Variants in GTF3C1 observed in about 807,000 individuals in gnomAD.
The protein encoded by GTF3C1 is general transcription factor 3C polypeptide 1.
GTF3C1 carries 57 observed loss-of-function variants against 226.7 expected under a neutral mutation model. That is an observed-to-expected ratio of 0.25 (90% confidence interval 0.20 to 0.31). GTF3C1 has a LOEUF of 0.31. Among genes scored for constraint, GTF3C1 ranks in the 10% least tolerant of loss-of-function variants. The pLI, the probability that GTF3C1 is intolerant of heterozygous loss-of-function variation, is 1.00. For synonymous variants in GTF3C1, 1,090 were observed against 1,084.8 expected (o/e 1.00, Z -0.09); for missense variants, 2,217 against 2,776.1 (o/e 0.80, Z 4.53).
chr16:27,538,152 A>G, intron 3 of GTF3C1, 28 bp downstream of exon 3: 1 of 1,474,836 alleles, frequency 6.8e-7, no homozygotes, highest in Admixed American at 2.2e-5. Flanking sequence ...ATATAATTTA[A>G]AGCAGAGAAG....
At chr16:27,506,687 C>T (rs1353740100) in intron 9 of GTF3C1, among the ~76,000 whole-genome samples, 160 bp downstream of exon 9, 1 of 152,162 alleles carries the variant, frequency 6.6e-6, no homozygotes, top group Non-Finnish European at 1.5e-5. Flanking sequence ...GGACCCTCTC[C>T]TCCAAACCCA....
intron 2 of GTF3C1, among the ~76,000 whole-genome samples, 176 bp downstream of exon 2, chr16:27,545,138 G>A (rs761536878): frequency 2.6e-5 from 4 of 152,056 alleles, no homozygotes; most frequent in African/African-American, 7.2e-5. Flanking sequence ...CACCACACCC[G>A]GCTAATTTTT....
At chr16:27,542,862 T>C (rs2141462310) in intron 2 of GTF3C1, among the ~76,000 whole-genome samples, 1 of 152,288 alleles carries the variant, frequency 6.6e-6, no homozygotes, top group East Asian at 1.9e-4. Flanking sequence ...CCCTTGAGCA[T>C]CCTAGCCTGC....
intron 23 of GTF3C1, 131 bp downstream of exon 23, chr16:27,488,096 G>T: frequency 2.8e-6 from 2 of 726,436 alleles, no homozygotes; most frequent in Non-Finnish European, 4.7e-6. Context: ...GAGAGTCAGC[G>T]CCACACATCG....
intron 33 of GTF3C1, 132 bp from the exon 34 acceptor site, chr16:27,464,968 G>A: frequency 6.5e-6 from 5 of 765,338 alleles, no homozygotes; most frequent in Non-Finnish European, 1.0e-5. Context: ...CACGAGGCAG[G>A]CCTGGCTCCT....
In GTF3C1 at chr16:27,497,183, G is replaced by C. The variant is rs3785355; in HGVS notation, c.2350+454C>G. Among the ~76,000 whole-genome samples, 74 of 152,304 alleles carry C rather than the reference G, an allele frequency of 4.9e-4. No individual in the cohort carries two copies. The East Asian group carries it at 0.014, about 28-fold the overall frequency. The stretch of plus-strand genomic sequence containing the variant: ...ATGCCATGGCCACCTGCCTTGTTCA[G>C]CACAAGTTTAGAAATGAGGGATGAG... On this transcript the variant is annotated intron_variant, in intron 14 of 36. Coordinates refer to ENST00000356183, the MANE Select transcript of GTF3C1 (RefSeq NM_001520.4).
At chr16:27,476,398 T>C in intron 29 of GTF3C1, 53 bp downstream of exon 29, 1 of 1,163,818 alleles carries the variant, frequency 8.6e-7, no homozygotes, top group Admixed American at 1.7e-5. Flanking sequence ...CTCACGAGCC[T>C]GGCCTCGGAA....
intron 32 of GTF3C1, 149 bp from the exon 33 acceptor site, chr16:27,465,689 CTGGG>C (rs1457136282): frequency 1.7e-5 from 11 of 637,368 alleles, no homozygotes; most frequent in Non-Finnish European, 3.0e-5. Context: ...GGTGGACACA[CTGGG>C]CCCCTGGCAG....
chr16:27,514,248 C>T (rs1224653745), intron 6 of GTF3C1, among the ~76,000 whole-genome samples: 5 of 152,244 alleles, frequency 3.3e-5, no homozygotes, highest in African/African-American at 9.6e-5. Flanking sequence ...CTTCTGCTGG[C>T]TCCCCGCCGG....
chr16:27,533,250 A>C, intron 5 of GTF3C1, 41 bp downstream of exon 5: 1 of 985,262 alleles, frequency 1.0e-6, no homozygotes, highest in Non-Finnish European at 1.6e-6. Flanking sequence ...GCTATGGTAC[A>C]GATCACACCC....
At chr16:27,537,228 C>T (rs563327517) in intron 4 of GTF3C1, among the ~76,000 whole-genome samples, 1 of 152,308 alleles carries the variant, frequency 6.6e-6, no homozygotes, top group African/African-American at 2.4e-5. Flanking sequence ...ATTTTTACAT[C>T]TCCCCAAAAT....
Position 27,476,505 on chromosome 16 carries a change from G to A in GTF3C1, c.4299C>T (p.Ile1433=). Residue 1433 remains isoleucine (I), a synonymous_variant, in exon 29 of 37, where the codon ATC becomes ATT. Coordinates refer to ENST00000356183, the MANE Select transcript of GTF3C1 (RefSeq NM_001520.4). ...DIHFLVLQNL[I]QSTLALSDSQ... ...TGTCTGAGAGGGCCAGCGTGCTCTGGATCAGGTTCTGAAGCACCAGAAAGT... is the reference window on the plus strand; with the variant it reads ...TGTCTGAGAGGGCCAGCGTGCTCTGAATCAGGTTCTGAAGCACCAGAAAGT... 1 of 1,613,354 alleles carries A rather than the reference G, an allele frequency of 6.2e-7. No individual in the cohort carries two copies. Among genetic ancestry groups the A allele is most frequent in the South Asian group, 1.1e-5 (1 of 91,028 alleles).
intron 4 of GTF3C1, 33 bp downstream of exon 4, chr16:27,537,751 A>C: frequency 6.5e-7 from 1 of 1,547,434 alleles, no homozygotes; most frequent in Non-Finnish European, 8.8e-7. Flanking sequence ...CTGCAACTAA[A>C]AAACCTAATG....
intron 28 of GTF3C1, among the ~76,000 whole-genome samples, chr16:27,477,626 C>A (rs2087971628): frequency 1.3e-5 from 2 of 152,160 alleles, no homozygotes; most frequent in Non-Finnish European, 2.9e-5. Flanking sequence ...TTAACAGTTT[C>A]TTTTCTCTAC....
intron 32 of GTF3C1, chr16:27,466,112 G>C (rs548034960): frequency 1.9e-5 from 3 of 156,710 alleles, no homozygotes; most frequent in African/African-American, 7.2e-5. Flanking sequence ...CTGTGGTTAT[G>C]AAATGTACAG....
intron 10 of GTF3C1, among the ~76,000 whole-genome samples, chr16:27,505,464 C>T: frequency 6.6e-6 from 1 of 152,166 alleles, no homozygotes; most frequent in East Asian, 1.9e-4. Context: ...GTAGCAGCCC[C>T]TCCCTAAGTG....
At chr16:27,491,569 G>T (rs1005177450) in intron 19 of GTF3C1, among the ~76,000 whole-genome samples, 4 of 152,184 alleles carry the variant, frequency 2.6e-5, no homozygotes, top group African/African-American at 9.6e-5. Context: ...GTAGGAGTGG[G>T]CATCTGAGAA....
At position 27,543,468 on chromosome 16, in the gene GTF3C1, G is replaced by A. The variant is rs554760686; in HGVS notation, c.431+1846C>T. On this transcript the variant is annotated intron_variant, in intron 2 of 36. Transcript: ENST00000356183. ...TGTGGTGGTGCAATCATAACTCACTGAAGCCTCAAACTCCTGGGCTCAAGC... is the reference window on the plus strand; with the variant it reads ...TGTGGTGGTGCAATCATAACTCACTAAAGCCTCAAACTCCTGGGCTCAAGC... 3.3e-5 allele frequency among the ~76,000 whole-genome samples: 5 copies of A among 152,158 alleles called. No homozygotes were observed. In the South Asian group the frequency reaches 8.3e-4, roughly 25 times the overall value.
intron 11 of GTF3C1, among the ~76,000 whole-genome samples, chr16:27,501,813 T>C (rs1166389202): frequency 6.6e-6 from 1 of 152,182 alleles, no homozygotes; most frequent in Non-Finnish European, 1.5e-5. Flanking sequence ...GATCATAGAA[T>C]GCAGGGCCAG....
Sources: allele counts gnomAD v4.1 joint callset (sites outside exome capture counted in the v4.1 genomes callset), GRCh38; gene constraint gnomAD v4.1.1; transcripts MANE v1.5; gene names NCBI Gene and HGNC (gene_info 2026-07-23, HGNC 2026-07-21).